The following SEMA3E variants were observed in gnomAD, a reference collection of about 807,000 sequenced individuals.
SEMA3E encodes the protein semaphorin 3E.
SEMA3E carries 49 observed loss-of-function variants against 93.6 expected under a neutral mutation model. The observed-to-expected ratio is 0.52, with a 90% confidence interval of 0.42 to 0.66. SEMA3E has a LOEUF of 0.66. Among genes scored for constraint, SEMA3E ranks in the 30% least tolerant of loss-of-function variants. The probability of loss-of-function intolerance (pLI) is 0.00; values close to 1 mark genes in which losing one functional copy is unlikely to be tolerated. For synonymous variants in SEMA3E, 363 were observed against 330.7 expected, an observed-to-expected ratio of 1.10 and a Z score of -1.06; for missense variants, 906 against 964.8, an observed-to-expected ratio of 0.94 and a Z score of 0.81.
chr7:83,460,107 G>A (rs992565409), intron 4 of SEMA3E, among the ~76,000 whole-genome samples: 4 of 152,128 alleles, frequency 2.6e-5, no homozygotes, highest in African/African-American at 7.2e-5. Flanking sequence ...CTCTTCACAC[G>A]GACGTGCATG....
rs1584267897 is a variant in SEMA3E at position 83,466,668 on chromosome 7, TG to T, written c.337-68del. On this transcript the variant is annotated intron_variant, in intron 3 of 16. Coordinates refer to ENST00000643230, the MANE Select transcript of SEMA3E (RefSeq NM_012431.3). The stretch of plus-strand genomic sequence containing the variant: ...AACATGTTTCGTCCTTTTTGATTTT[TG>T]TTTTTCCTAGCCCTAGAAAGCTCAT... The T allele has an allele frequency of 1.1e-5, 17 of 1,590,138 alleles. No homozygotes were observed. The East Asian group carries it at 3.8e-4, about 36-fold the overall frequency.
intron 3 of SEMA3E, among the ~76,000 whole-genome samples, chr7:83,467,370 AAAGT>A (rs1358791265): frequency 5.9e-5 from 9 of 152,228 alleles, no homozygotes; most frequent in African/African-American, 1.7e-4. Context: ...AATGTTTTGG[AAAGT>A]AAGTCTTATA....
chr7:83,436,230 A>G (rs1789001591), intron 4 of SEMA3E, among the ~76,000 whole-genome samples: 2 of 151,870 alleles, frequency 1.3e-5, no homozygotes, highest in Non-Finnish European at 2.9e-5. Flanking sequence ...TTAAAGATAT[A>G]CAACACAAAT....
chr7:83,478,692 T>C (rs1790074368), intron 2 of SEMA3E, among the ~76,000 whole-genome samples: 1 of 152,214 alleles, frequency 6.6e-6, no homozygotes, highest in African/African-American at 2.4e-5. Flanking sequence ...ATTGTTCTAC[T>C]AGTTCATAAC....
At chr7:83,544,153 C>T (rs765341299) in intron 1 of SEMA3E, among the ~76,000 whole-genome samples, 2 of 151,962 alleles carry the variant, frequency 1.3e-5, no homozygotes, top group Non-Finnish European at 2.9e-5. Flanking sequence ...TAGAAAATAA[C>T]TAACTATTTG....
At chr7:83,379,743 C>T (rs1276750272) in intron 16 of SEMA3E, among the ~76,000 whole-genome samples, 1 of 151,828 alleles carries the variant, frequency 6.6e-6, no homozygotes, top group Non-Finnish European at 1.5e-5. Context: ...TAATCTTATG[C>T]AAGTAACTCA....
At chr7:83,445,356 A>G (rs1356066864) in intron 4 of SEMA3E, among the ~76,000 whole-genome samples, 1 of 149,280 alleles carries the variant, frequency 6.7e-6, no homozygotes, top group Non-Finnish European at 1.5e-5. Context: ...TCTGGAAGGT[A>G]GAGGTGGATA....
Position 83,574,157 on chromosome 7 carries a change from C to T in SEMA3E, c.115+74271G>A, listed in dbSNP as rs142751346. On this transcript the variant is annotated intron_variant, in intron 1 of 16. Coordinates refer to ENST00000643230, the MANE Select transcript of SEMA3E (RefSeq NM_012431.3). ...TCCTGAAGGATTTGCATTAAAAAAT[C>T]TTAATGCAGAATTTTCATCACTCAG... Among the ~76,000 whole-genome samples, 323 of 152,148 alleles carry T rather than the reference C, an allele frequency of 2.1e-3. 1 individual carries two copies. Among genetic ancestry groups the T allele is most frequent in the African/African-American group, 7.6e-3 (314 of 41,526 alleles).
chr7:83,458,364 A>G (rs1414377877), intron 4 of SEMA3E, among the ~76,000 whole-genome samples: 1 of 151,766 alleles, frequency 6.6e-6, no homozygotes, highest in South Asian at 2.1e-4. Flanking sequence ...TTATTTTTAA[A>G]AACTTCTAGA....
At chr7:83,461,056 C>G (rs926619492) in intron 4 of SEMA3E, among the ~76,000 whole-genome samples, 2 of 152,100 alleles carry the variant, frequency 1.3e-5, no homozygotes, top group African/African-American at 4.8e-5. Flanking sequence ...GACCCCAATA[C>G]AAACTGGACA....
chr7:83,384,636 G>A (rs569718836), intron 16 of SEMA3E, among the ~76,000 whole-genome samples: 1 of 151,984 alleles, frequency 6.6e-6, no homozygotes, highest in Admixed American at 6.6e-5. Flanking sequence ...GACAGCCCTT[G>A]ACTCACATTC....
chr7:83,484,786 A>G (rs1382759986), intron 2 of SEMA3E, among the ~76,000 whole-genome samples: 1 of 152,150 alleles, frequency 6.6e-6, no homozygotes, highest in Non-Finnish European at 1.5e-5. Context: ...TGTGTTCTGA[A>G]ATAATTCTAG....
At position 83,490,133 on chromosome 7, in the gene SEMA3E, A is replaced by G. The variant is rs1790349353; in HGVS notation, c.257T>C (p.Ile86Thr). 1 of 1,612,718 alleles carries G rather than the reference A, an allele frequency of 6.2e-7. No homozygotes were observed. The highest frequency in any genetic ancestry group is 1.3e-5 in the African/African-American group (1 of 74,820). The change falls in exon 2 of 17, where the codon ATC becomes ACC. Residue 86 changes from isoleucine (I) to threonine (T), a missense_variant. Transcript: ENST00000643230. Reference sequence around the variant, plus strand: ...CTATACCTCTTTATAGCCGTCACTGATTCTCTCCAAGCTGAGGGAATATAC... The same window carrying G: ...CTATACCTCTTTATAGCCGTCACTGGTTCTCTCCAAGCTGAGGGAATATAC... ...DLVYSLSLER[I>T]SDGYKEIHWP...
chr7:83,426,592 A>G (rs1447493481), intron 4 of SEMA3E, among the ~76,000 whole-genome samples: 1 of 152,130 alleles, frequency 6.6e-6, no homozygotes, highest in Non-Finnish European at 1.5e-5. Flanking sequence ...GTACCTGGCG[A>G]TGGGATTAAT....
chr7:83,573,282 TTTTA>T lies in SEMA3E; in HGVS notation c.115+75142_115+75145del, dbSNP rs572223727. Among the ~76,000 whole-genome samples, 8 of 152,132 alleles carry T rather than the reference TTTTA, an allele frequency of 5.3e-5. No individual in the cohort carries two copies. The South Asian group carries it at 8.3e-4, about 16-fold the overall frequency. ...TTTTATTGTCATTTTTATTTTATTATTTTATTTATTATGATTTTGTCATTTTTAT... is the reference window on the plus strand; with the variant it reads ...TTTTATTGTCATTTTTATTTTATTATTTTATTATGATTTTGTCATTTTTAT... On this transcript the variant is annotated intron_variant, in intron 1 of 16. Coordinates refer to ENST00000643230, the MANE Select transcript of SEMA3E (RefSeq NM_012431.3).
chr7:83,625,181 T>A (rs1054878122), intron 1 of SEMA3E, among the ~76,000 whole-genome samples: 1 of 152,190 alleles, frequency 6.6e-6, no homozygotes, highest in Non-Finnish European at 1.5e-5. Flanking sequence ...TTTGTTCTTT[T>A]TGCTTAGGAT....
rs746153032 is a variant in SEMA3E at position 83,394,335 on chromosome 7, G to T, written c.1462C>A (p.Pro488Thr). 6.2e-7 allele frequency: 1 copy of T among 1,612,634 alleles called. No homozygotes were observed. Among genetic ancestry groups the T allele is most frequent in the Non-Finnish European group, 8.5e-7 (1 of 1,179,440 alleles). Residue 488 changes from proline to threonine, a missense_variant, in exon 13 of 17, where the codon CCA (proline) becomes ACA (threonine). Coordinates refer to ENST00000643230, the MANE Select transcript of SEMA3E (RefSeq NM_012431.3). ...ILEELQIFKD[P>T]VPIISMEISS... is the part of the protein sequence containing the mutation. ...ATCTCCATAGAAATAATAGGAACTG[G>T]ATCCTGAAATTTTAAAAAAGTTTTC...
At chr7:83,391,379 C>T (rs1788014631) in intron 14 of SEMA3E, among the ~76,000 whole-genome samples, 1 of 152,106 alleles carries the variant, frequency 6.6e-6, no homozygotes, top group South Asian at 2.1e-4. Context: ...CTTGTTTCTT[C>T]ATATCCCTGG....
At chr7:83,454,293 ATAT>A in intron 4 of SEMA3E, among the ~76,000 whole-genome samples, 1 of 135,922 alleles carries the variant, frequency 7.4e-6, no homozygotes, top group Admixed American at 7.7e-5. Context: ...ATATATATAT[ATAT>A]AATGTGTGTA....
Sources: gnomAD v4.1 joint callset for allele counts (sites outside exome capture counted in the v4.1 genomes callset) on GRCh38, gnomAD v4.1.1 for gene constraint, MANE v1.5 for transcripts, NCBI Gene and HGNC (gene_info 2026-07-23, HGNC 2026-07-21) for gene names.